Variants in IGF2BP2 observed in about 807,000 individuals in gnomAD.
The protein encoded by IGF2BP2 is insulin like growth factor 2 mRNA binding protein 2, also known as insulin-like growth factor 2 mRNA-binding protein 2.
IGF2BP2 carries 17 observed loss-of-function variants against 75.8 expected under a neutral mutation model. The observed-to-expected ratio is 0.22, with a 90% confidence interval of 0.15 to 0.34. The LOEUF (loss-of-function observed/expected upper bound fraction) is 0.34, where lower values mean the gene tolerates loss of function less well. Among genes scored for constraint, IGF2BP2 ranks in the 10% least tolerant of loss-of-function variants. The pLI is 1.00. For missense variants in IGF2BP2, 516 were observed against 772.4 expected, an observed-to-expected ratio of 0.67 and a Z score of 3.93; for synonymous variants, 288 against 295.6, an observed-to-expected ratio of 0.97 and a Z score of 0.26.
intron 2 of IGF2BP2, among the ~76,000 whole-genome samples, chr3:185,749,246 T>C (rs1730652341): frequency 6.6e-6 from 1 of 152,206 alleles, no homozygotes; most frequent in Non-Finnish European, 1.5e-5. Flanking sequence ...CCTACACATA[T>C]ACATGTCAAG....
chr3:185,665,098 G>C (rs1252151868), intron 10 of IGF2BP2, among the ~76,000 whole-genome samples: 1 of 150,018 alleles, frequency 6.7e-6, no homozygotes, highest in Non-Finnish European at 1.5e-5. Flanking sequence ...CCAGGAGTTC[G>C]AGATGGCAGT....
intron 2 of IGF2BP2, among the ~76,000 whole-genome samples, chr3:185,745,374 G>T (rs1730118520): frequency 6.6e-6 from 1 of 152,198 alleles, no homozygotes; most frequent in Non-Finnish European, 1.5e-5. Context: ...CAGGGAAAGA[G>T]AATAAACTTT....
chr3:185,722,522 G>A, intron 2 of IGF2BP2: 6 of 290,530 alleles, frequency 2.1e-5, no homozygotes, highest in South Asian at 1.1e-4. Flanking sequence ...AGGCGGTACA[G>A]TGAGCTTGGA....
At chr3:185,771,634 C>CCTTGGTT (rs1366538648) in intron 2 of IGF2BP2, among the ~76,000 whole-genome samples, 1 of 152,134 alleles carries the variant, frequency 6.6e-6, no homozygotes. Context: ...ATAACCAAGG[C>CCTTGGTT]TCTGGCTGCC....
intron 2 of IGF2BP2, among the ~76,000 whole-genome samples, chr3:185,761,848 A>G (rs1369074718): frequency 6.6e-6 from 1 of 152,242 alleles, no homozygotes; most frequent in East Asian, 1.9e-4. Flanking sequence ...TGAAAGCACA[A>G]TTTAGCAAAA....
At chr3:185,767,500 T>C (rs1733246739) in intron 2 of IGF2BP2, among the ~76,000 whole-genome samples, 1 of 152,166 alleles carries the variant, frequency 6.6e-6, no homozygotes, top group South Asian at 2.1e-4. Flanking sequence ...CTACAGGACT[T>C]CTCAGAGCCT....
intron 2 of IGF2BP2, among the ~76,000 whole-genome samples, chr3:185,745,908 G>A (rs1267494224): frequency 1.3e-5 from 2 of 151,846 alleles, no homozygotes; most frequent in Non-Finnish European, 2.9e-5. Context: ...ACCTTCCTCT[G>A]GTTTGGTGGG....
chr3:185,815,861 C>T (rs1461629371), intron 2 of IGF2BP2, among the ~76,000 whole-genome samples: 1 of 152,112 alleles, frequency 6.6e-6, no homozygotes, highest in Non-Finnish European at 1.5e-5. Context: ...ACTTCACATG[C>T]TTCATTATTT....
At chr3:185,648,157 T>C (rs1173797525) in intron 14 of IGF2BP2, among the ~76,000 whole-genome samples, 4 of 152,226 alleles carry the variant, frequency 2.6e-5, no homozygotes, top group East Asian at 1.9e-4. Flanking sequence ...AGAGTTTCTA[T>C]GTAAAGAGCT....
intron 2 of IGF2BP2, among the ~76,000 whole-genome samples, chr3:185,757,563 C>G (rs1731798463): frequency 6.8e-6 from 1 of 147,212 alleles, no homozygotes; most frequent in South Asian, 2.1e-4. Flanking sequence ...TTCCCGGGTT[C>G]AGGTGATTTT....
intron 2 of IGF2BP2, among the ~76,000 whole-genome samples, chr3:185,804,073 A>T (rs1738647022): frequency 6.6e-6 from 1 of 152,100 alleles, no homozygotes; most frequent in South Asian, 2.1e-4. Context: ...CCTGGCTGAG[A>T]TGGTGAAACC....
chr3:185,792,832 C>T (rs563629747), intron 2 of IGF2BP2, among the ~76,000 whole-genome samples: 39 of 152,018 alleles, frequency 2.6e-4, no homozygotes, highest in African/African-American at 9.4e-4. Flanking sequence ...TCATCATTCC[C>T]CAAAGGTACC....
intron 7 of IGF2BP2, among the ~76,000 whole-genome samples, chr3:185,682,301 T>C (rs1486981284): frequency 6.6e-6 from 1 of 152,196 alleles, no homozygotes; most frequent in African/African-American, 2.4e-5. Context: ...TAATCATGAA[T>C]GGATTAATGC....
At chr3:185,754,908 A>C (rs952859836) in intron 2 of IGF2BP2, among the ~76,000 whole-genome samples, 1 of 152,200 alleles carries the variant, frequency 6.6e-6, no homozygotes, top group African/African-American at 2.4e-5. Flanking sequence ...GGAACAAAGA[A>C]ATGACTTAAA....
chr3:185,811,624 C>G (rs1420485697), intron 2 of IGF2BP2, among the ~76,000 whole-genome samples: 2 of 152,188 alleles, frequency 1.3e-5, no homozygotes, highest in Non-Finnish European at 2.9e-5. Flanking sequence ...TTGGCTGGAG[C>G]TAACTAATAG....
chr3:185,797,797 G>A (rs139228677), intron 2 of IGF2BP2, among the ~76,000 whole-genome samples: 75 of 150,766 alleles, frequency 5.0e-4, no homozygotes, highest in Non-Finnish European at 6.0e-4. Context: ...CCTAGCTACT[G>A]AGGAGGCTGA....
chr3:185,684,364 C>A (rs1720812696), intron 7 of IGF2BP2, among the ~76,000 whole-genome samples: 2 of 152,064 alleles, frequency 1.3e-5, no homozygotes, highest in Non-Finnish European at 2.9e-5. Flanking sequence ...TACATGTCAT[C>A]ATTGGATACT....
rs144271412 is a variant in IGF2BP2, at chr3:185,743,079, A to G, written c.240-44732T>C. On this transcript the variant is annotated intron_variant, in intron 2 of 15. Coordinates refer to ENST00000382199, the MANE Select transcript of IGF2BP2 (RefSeq NM_006548.6). ...GTGCCACTGCACTCCAGCCTGGGCG[A>G]CAGAGTGAGACTCCGTCTTAATAAA... Among the ~76,000 whole-genome samples the G allele has an allele frequency of 5.3e-3, 813 of 152,176 alleles. 3 individuals are homozygous for G. Among genetic ancestry groups the G allele is most frequent in the Non-Finnish European group, 8.6e-3 (584 of 67,994 alleles).
intron 2 of IGF2BP2, among the ~76,000 whole-genome samples, chr3:185,750,729 C>T (rs542169611): frequency 3.3e-4 from 51 of 152,344 alleles, no homozygotes; most frequent in Middle Eastern, 3.4e-3. Flanking sequence ...CCTGTCTCTG[C>T]TCCAATCCAG....
Sources: allele counts gnomAD v4.1 joint callset (sites outside exome capture counted in the v4.1 genomes callset), GRCh38; gene constraint gnomAD v4.1.1; transcripts MANE v1.5; gene names NCBI Gene and HGNC (gene_info 2026-07-23, HGNC 2026-07-21).